The following NUP153 variants were observed in gnomAD, a reference collection of about 807,000 sequenced individuals.
NUP153 encodes nuclear pore complex protein Nup153.
In NUP153, 27 loss-of-function variants were observed where a neutral mutation model predicts 134.6. That is an observed-to-expected ratio of 0.20 (90% CI 0.15 to 0.28). The LOEUF is 0.28. Among genes scored for constraint, NUP153 ranks in the 10% least tolerant of loss-of-function variants. The probability of loss-of-function intolerance (pLI) is 1.00; values close to 1 mark genes in which losing one functional copy is unlikely to be tolerated. For synonymous variants in NUP153, 640 were observed against 623.5 expected (o/e 1.03, Z -0.40); for missense variants, 1,821 against 1,731.3 (o/e 1.05, Z -0.92).
rs1764901313 is a variant in NUP153 at position 17,625,699 on chromosome 6, G to C, written c.3901+109C>G. 6.1e-6 allele frequency: 5 copies of C among 815,382 alleles called. No homozygotes were observed. The highest frequency in any genetic ancestry group is 1.0e-5 in the Non-Finnish European group (5 of 489,912). 50.5% of individuals were successfully genotyped at this position (815,382 alleles called of 1,614,324 possible). A position where few individuals can be genotyped will look rare whatever the true frequency, so the allele number is the denominator to read the frequency against. ...CAACCCTGGTATAGATGACCAAAAG[G>C]CATTCCCACCATTTTGTGATAACCT... On this transcript the variant is annotated intron_variant, in intron 19 of 21. Coordinates refer to ENST00000262077, the MANE Select transcript of NUP153 (RefSeq NM_005124.4). This position sits in a 1 kb window ranked among gnomAD's most constrained non-coding sequence, Gnocchi z 4.7.
intron 2 of NUP153, among the ~76,000 whole-genome samples, chr6:17,685,454 CAGG>C (rs1768863899): frequency 6.7e-6 from 1 of 149,842 alleles, no homozygotes; most frequent in South Asian, 2.1e-4. Context: ...GAGGCTGAGG[CAGG>C]AGAATGGTGT....
At chr6:17,674,542 G>A (rs1768105706) in intron 5 of NUP153, among the ~76,000 whole-genome samples, 1 of 152,140 alleles carries the variant, frequency 6.6e-6, no homozygotes, top group South Asian at 2.1e-4. Context: ...GCCGGGGTGG[G>A]CGCATCACGA....
In NUP153 at chr6:17,625,993, G is replaced by A. The variant is rs1764928185; in HGVS notation, c.3716C>T (p.Ala1239Val). The change falls in exon 19 of 22, where the codon GCC becomes GTC. Residue 1239 changes from alanine (A) to valine (V), a missense_variant. Transcript: ENST00000262077. The surrounding 1 kb of genome is among the most constrained non-coding windows in gnomAD (Gnocchi z 4.7). ...GCTGGATTCAGCAGTGTTACCAAAG[G>A]CAGAGCTGCTCACAGGATTGCTGGA... ...GQSSNPVSSS[A>V]FGNTAESSTS... The A allele has an allele frequency of 1.2e-6, 2 of 1,614,080 alleles. No individual in the cohort carries two copies. The highest frequency in any genetic ancestry group is 1.7e-5 in the Admixed American group (1 of 60,006).
At chr6:17,632,320 C>T (rs538754923) in intron 17 of NUP153, among the ~76,000 whole-genome samples, 1 of 140,184 alleles carries the variant, frequency 7.1e-6, no homozygotes, top group Non-Finnish European at 1.7e-5. Context: ...AACAAACAAA[C>T]AAAAAAACAA....
chr6:17,616,076 A>G lies in NUP153; in HGVS notation c.*21T>C. On this transcript the variant is annotated 3_prime_UTR_variant, in exon 22 of 22. Coordinates refer to ENST00000262077, the MANE Select transcript of NUP153 (RefSeq NM_005124.4). Reference sequence around the variant, plus strand: ...AGGGCACCAGCTGTTGTTAAAATTGAGTACAACACCAATGTGACCTTTATT... The same window carrying G: ...AGGGCACCAGCTGTTGTTAAAATTGGGTACAACACCAATGTGACCTTTATT... The G allele has an allele frequency of 6.4e-7, 1 of 1,552,766 alleles. No homozygotes were observed. The highest frequency in any genetic ancestry group is 8.9e-7 in the Non-Finnish European group (1 of 1,124,380).
intron 15 of NUP153, among the ~76,000 whole-genome samples, chr6:17,639,349 G>C (rs536539219): frequency 5.7e-4 from 87 of 152,162 alleles, no homozygotes; most frequent in African/African-American, 1.9e-3. Context: ...AAAGTGCTGG[G>C]ATTACAAGGG....
intron 11 of NUP153, among the ~76,000 whole-genome samples, chr6:17,655,377 A>C (rs1187480350): frequency 1.3e-5 from 2 of 152,184 alleles, no homozygotes; most frequent in African/African-American, 4.8e-5. Context: ...CATTTCATTA[A>C]AACTAAATCT....
At chr6:17,618,929 A>G (rs1451871817) in intron 20 of NUP153, among the ~76,000 whole-genome samples, 1 of 152,216 alleles carries the variant, frequency 6.6e-6, no homozygotes, top group African/African-American at 2.4e-5. Flanking sequence ...CACAAAGACA[A>G]AAGGTAAGAA....
chr6:17,699,483 A>C (rs1769903953), intron 1 of NUP153, among the ~76,000 whole-genome samples: 1 of 148,330 alleles, frequency 6.7e-6, no homozygotes, highest in Non-Finnish European at 1.5e-5. Flanking sequence ...ACTCGTCTCA[A>C]AAAAAAAAAA....
intron 14 of NUP153, 73 bp downstream of exon 14, chr6:17,645,994 G>A (rs1446500613): frequency 1.8e-6 from 1 of 564,324 alleles, no homozygotes; most frequent in Admixed American, 3.3e-5. Context: ...ATTACCAAAG[G>A]TGAAAGAAGC....
Position 17,646,157 on chromosome 6 carries a change from G to T in NUP153, c.1633-3C>A. On this transcript the variant is annotated splice_region_variant and splice_polypyrimidine_tract_variant and intron_variant, in intron 13 of 21. Transcript: ENST00000262077. Reference sequence around the variant, plus strand: ...GGCACACTAAATGTAAATCCAATCTGTAAAGAGAAAGAATATCCTTATACT... The same window carrying T: ...GGCACACTAAATGTAAATCCAATCTTTAAAGAGAAAGAATATCCTTATACT... 6.6e-7 allele frequency: 1 copy of T among 1,526,372 alleles called. No individual in the cohort carries two copies. The highest frequency in any genetic ancestry group is 9.1e-7 in the Non-Finnish European group (1 of 1,101,768). 94.6% of individuals were successfully genotyped at this position (1,526,372 alleles called of 1,614,324 possible).
chr6:17,632,575 C>T (rs1765311373), intron 17 of NUP153, 75 bp downstream of exon 17: 2 of 1,134,094 alleles, frequency 1.8e-6, no homozygotes, highest in South Asian at 3.1e-5. Context: ...AAGCTGTTCT[C>T]AAATACTTCA....
chr6:17,706,215 G>A lies in NUP153; in HGVS notation c.111+62C>T. 1.4e-6 allele frequency: 2 copies of A among 1,383,852 alleles called. No individual in the cohort carries two copies. The highest frequency in any genetic ancestry group is 2.0e-6 in the Non-Finnish European group (2 of 976,456). 85.7% of individuals were successfully genotyped at this position (1,383,852 alleles called of 1,614,324 possible). On this transcript the variant is annotated intron_variant, in intron 1 of 21. Transcript: ENST00000262077. The surrounding 1 kb of genome is among the most constrained non-coding windows in gnomAD (Gnocchi z 5.9). Reference sequence around the variant, plus strand: ...ACGTGGGGCGCCGGGGCCTCGAACCGCCCGTCCCCTCCAGCCGAGTTTCCC... The same window carrying A: ...ACGTGGGGCGCCGGGGCCTCGAACCACCCGTCCCCTCCAGCCGAGTTTCCC...
rs773444869 is a variant in NUP153, at chr6:17,632,864, C to T, written c.2465-20G>A. On this transcript the variant is annotated intron_variant, in intron 16 of 21. Transcript: ENST00000262077. ...AACTTCCTAAAAAAAAAAAAAAAAA[C>T]GGGGAGTGGGGGGAGATTTCATGAA... is the stretch of plus-strand genomic sequence containing the variant. 111 of 739,460 alleles carry T rather than the reference C, an allele frequency of 1.5e-4. 1 individual carries two copies. Among genetic ancestry groups the T allele is most frequent in the Non-Finnish European group, 2.1e-4 (104 of 485,746 alleles). 45.8% of individuals were successfully genotyped at this position (739,460 alleles called of 1,614,324 possible). A position where few individuals can be genotyped will look rare whatever the true frequency, so the allele number is the denominator to read the frequency against.
chr6:17,669,043 A>C lies in NUP153; in HGVS notation c.1015-15T>G, dbSNP rs770636928. 9.3e-6 allele frequency: 14 copies of C among 1,498,432 alleles called. No homozygotes were observed. The Middle Eastern group carries it at 1.8e-3, about 191-fold the overall frequency. 92.8% of individuals were successfully genotyped at this position (1,498,432 alleles called of 1,614,324 possible). On this transcript the variant is annotated splice_polypyrimidine_tract_variant and intron_variant, in intron 7 of 21. Coordinates refer to ENST00000262077, the MANE Select transcript of NUP153 (RefSeq NM_005124.4). The stretch of plus-strand genomic sequence containing the variant: ...CTATCAAGAGGCTGAAAAAAAAAAA[A>C]AACACTATTAGAATAGATGGGGAGT...
At chr6:17,636,795 TATCCTG>T (rs1483033856) in intron 16 of NUP153, among the ~76,000 whole-genome samples, 7 of 152,312 alleles carry the variant, frequency 4.6e-5, no homozygotes, top group Admixed American at 2.0e-4. Context: ...GACCACTAGC[TATCCTG>T]ATTTCTATTT....
At position 17,629,113 on chromosome 6, in the gene NUP153, A is replaced by C. The variant is rs768014229; in HGVS notation, c.3086T>G (p.Ile1029Ser). 2 of 1,614,040 alleles carry C rather than the reference A, an allele frequency of 1.2e-6. No individual in the cohort carries two copies. Among genetic ancestry groups the C allele is most frequent in the South Asian group, 2.2e-5 (2 of 91,070 alleles). Reference protein sequence around the residue: ...SAGFSFGTGVINSTPAPANTI... With the variant: ...SAGFSFGTGVSNSTPAPANTI... ...GTTAGCAGGAGCAGGGGTGGAGTTA[A>C]TAACACCTGTACCAAAGCTAAAACC... Residue 1029 changes from isoleucine to serine, a missense_variant, in exon 18 of 22, where the codon ATT becomes AGT. Physicochemically the swap from Ile to Ser is moderately radical, Grantham distance 142. Transcript: ENST00000262077.
intron 11 of NUP153, among the ~76,000 whole-genome samples, chr6:17,658,908 G>A (rs1343472700): frequency 2.0e-5 from 3 of 152,128 alleles, no homozygotes; most frequent in Non-Finnish European, 4.4e-5. Flanking sequence ...CTGTCTGGTG[G>A]TCTGCCGCCG....
rs536888781 is a variant in NUP153, at chr6:17,652,814, A to C, written c.1396-3514T>G. On this transcript the variant is annotated intron_variant, in intron 11 of 21. Coordinates refer to ENST00000262077, the MANE Select transcript of NUP153 (RefSeq NM_005124.4). The stretch of plus-strand genomic sequence containing the variant: ...CAAGGCAGGTGGATCACCTAAGGTC[A>C]GGAGTTCGAGACCAGCCTGACCAAC... Among the ~76,000 whole-genome samples the C allele has an allele frequency of 5.3e-5, 8 of 152,322 alleles. 1 individual carries two copies. In the South Asian group the frequency reaches 1.7e-3, roughly 32 times the overall value.
Sources: gnomAD v4.1 joint callset for allele counts (sites outside exome capture counted in the v4.1 genomes callset) on GRCh38, gnomAD v4.1.1 for gene constraint, Gnocchi (gnomAD v3.1) non-coding constraint, MANE v1.5 for transcripts, NCBI Gene and HGNC (gene_info 2026-07-23, HGNC 2026-07-21) for gene names.